Variants in PAM observed in about 807,000 individuals in gnomAD.
PAM encodes peptidyl-glycine alpha-amidating monooxygenase.
In PAM, 72 loss-of-function variants were observed where a neutral mutation model predicts 122.1. The observed-to-expected ratio is 0.59, with a 90% CI of 0.49 to 0.72. The LOEUF (loss-of-function observed/expected upper bound fraction) is 0.72. Among genes scored for constraint, PAM ranks in the 30% least tolerant of loss-of-function variants. The probability of loss-of-function intolerance (pLI) is 0.00; values close to 1 mark genes in which losing one functional copy is unlikely to be tolerated. For missense variants in PAM, 1,106 were observed against 1,183.7 expected (o/e 0.93, Z 0.96); for synonymous variants, 389 against 404.4 (o/e 0.96, Z 0.46).
chr5:102,826,915 A>G (rs1773809313), intron 1 of PAM, among the ~76,000 whole-genome samples: 4 of 152,184 alleles, frequency 2.6e-5, no homozygotes, highest in Admixed American at 1.3e-4. Flanking sequence ...GAGTCACCTA[A>G]ATTTAGCATA....
At chr5:102,946,741 T>A (rs1757171620) in intron 7 of PAM, 96 bp from the exon 8 acceptor site, 1 of 754,994 alleles carries the variant, frequency 1.3e-6, no homozygotes, top group East Asian at 2.7e-5. Flanking sequence ...ACTTGTGTTT[T>A]AAAATATTTG....
rs572268860 is a variant in PAM at position 102,846,139 on chromosome 5, G to A, written c.-373-19684G>A. On this transcript the variant is annotated intron_variant, in intron 1 of 25. Transcript: ENST00000438793. ...CTCCCTTAAACTACTCCCTGATGGT[G>A]AAAAATAACAATGAAATATACAGCT... 5.9e-5 allele frequency among the ~76,000 whole-genome samples: 9 copies of A among 152,200 alleles called. No individual in the cohort carries two copies. The East Asian group carries it at 1.7e-3, about 29-fold the overall frequency.
At chr5:102,953,116 G>T (rs1313222441) in intron 12 of PAM, among the ~76,000 whole-genome samples, 1 of 152,178 alleles carries the variant, frequency 6.6e-6, no homozygotes, top group Non-Finnish European at 1.5e-5. Context: ...ACAGTTGAGT[G>T]ATTCTTCTAC....
intron 1 of PAM, among the ~76,000 whole-genome samples, chr5:102,841,929 A>G (rs1357043052): frequency 6.6e-6 from 1 of 152,174 alleles, no homozygotes; most frequent in Non-Finnish European, 1.5e-5. Context: ...GCCTAAATTT[A>G]TAGGTAAGTA....
rs547105245 is a variant in PAM at position 102,818,623 on chromosome 5, A to G, written c.-373-47200A>G. Among the ~76,000 whole-genome samples, 3 of 152,154 alleles carry G rather than the reference A, an allele frequency of 2.0e-5. No homozygotes were observed. The East Asian group carries it at 5.8e-4, about 29-fold the overall frequency. On this transcript the variant is annotated intron_variant, in intron 1 of 25. Transcript: ENST00000438793. The stretch of plus-strand genomic sequence containing the variant: ...TCCAGTATGCCCTTCCCTCTGCCTC[A>G]TTTGTTCCAGAGAAAGCCTACTTAT...
intron 3 of PAM, among the ~76,000 whole-genome samples, chr5:102,878,180 G>T (rs1044426543): frequency 6.6e-6 from 1 of 151,850 alleles, no homozygotes; most frequent in African/African-American, 2.4e-5. Context: ...TATAATATTT[G>T]AATATTTCAG....
intron 1 of PAM, among the ~76,000 whole-genome samples, chr5:102,841,908 C>G (rs1778740358): frequency 6.6e-6 from 1 of 152,010 alleles, no homozygotes; most frequent in Non-Finnish European, 1.5e-5. Context: ...GCATAAACAT[C>G]TGAAAAATAT....
chr5:102,831,862 G>A (rs1392949070), intron 1 of PAM, among the ~76,000 whole-genome samples: 1 of 141,610 alleles, frequency 7.1e-6, no homozygotes, highest in Non-Finnish European at 1.5e-5. Flanking sequence ...ATTTTTTATA[G>A]GAACTAGTCT....
At chr5:102,872,913 A>G (rs1787986965) in intron 3 of PAM, among the ~76,000 whole-genome samples, 1 of 152,144 alleles carries the variant, frequency 6.6e-6, no homozygotes, top group Admixed American at 6.6e-5. Flanking sequence ...AACGGGGCCT[A>G]CTTGAGGGTG....
At chr5:102,838,157 A>ATT (rs1328184224) in intron 1 of PAM, 1 of 152,082 alleles carries the variant, frequency 6.6e-6, no homozygotes, top group African/African-American at 2.4e-5. Context: ...AGTATCATCA[A>ATT]TTTGTGGATT....
chr5:102,773,732 A>G (rs1449404656), intron 1 of PAM, among the ~76,000 whole-genome samples: 1 of 151,966 alleles, frequency 6.6e-6, no homozygotes, highest in Non-Finnish European at 1.5e-5. Flanking sequence ...ACTTTTTATT[A>G]ACTTTTATTT....
At chr5:102,777,556 T>C (rs1757501901) in intron 1 of PAM, among the ~76,000 whole-genome samples, 1 of 152,124 alleles carries the variant, frequency 6.6e-6, no homozygotes, top group African/African-American at 2.4e-5. Flanking sequence ...CCTAATTGTC[T>C]GAGAGAGGGA....
At chr5:102,947,501 C>T (rs1757429641) in intron 8 of PAM, among the ~76,000 whole-genome samples, 1 of 152,056 alleles carries the variant, frequency 6.6e-6, no homozygotes, top group Non-Finnish European at 1.5e-5. Context: ...AAGAATGATA[C>T]AGTGGACTTT....
chr5:102,929,621 A>G (rs2151776760), intron 7 of PAM, among the ~76,000 whole-genome samples: 1 of 152,310 alleles, frequency 6.6e-6, no homozygotes, highest in Non-Finnish European at 1.5e-5. Flanking sequence ...ATTTTTCCAC[A>G]CAGGGAATGT....
intron 1 of PAM, among the ~76,000 whole-genome samples, chr5:102,789,779 A>G (rs941327581): frequency 5.3e-5 from 8 of 152,128 alleles, no homozygotes; most frequent in Non-Finnish European, 1.0e-4. Flanking sequence ...AAAAATGGTT[A>G]AAGTGGCTAA....
chr5:102,810,240 T>C (rs2150183833), intron 1 of PAM, among the ~76,000 whole-genome samples: 1 of 152,278 alleles, frequency 6.6e-6, no homozygotes, highest in Middle Eastern at 3.4e-3. Context: ...TCCACGAAAA[T>C]ACACTTTTGC....
At chr5:102,834,247 G>T (rs557470609) in intron 1 of PAM, among the ~76,000 whole-genome samples, 1 of 151,976 alleles carries the variant, frequency 6.6e-6, no homozygotes, top group Non-Finnish European at 1.5e-5. Flanking sequence ...CTTCTTTTTA[G>T]AAAATTTAAC....
chr5:103,007,566 C>T lies in PAM; in HGVS notation c.2124C>T (p.Ile708=). 1 of 1,613,648 alleles carries T rather than the reference C, an allele frequency of 6.2e-7. No homozygotes were observed. ...TGGCAGACCGGGAAAATGGTCGGAT[C>T]CAGTGTTTTAAAACTGACACCAAAG... is the stretch of plus-strand genomic sequence containing the variant. ...LCVADRENGR[I]QCFKTDTKEF... The change falls in exon 20 of 26, where the codon ATC becomes ATT. Residue 708 remains isoleucine, a synonymous_variant. Transcript: ENST00000438793.
chr5:102,868,763 T>G (rs1342621326), intron 3 of PAM, among the ~76,000 whole-genome samples: 2 of 152,190 alleles, frequency 1.3e-5, no homozygotes, highest in Non-Finnish European at 2.9e-5. Context: ...TAGTCTTTTG[T>G]TTGGTTCATT....
Sources: allele counts gnomAD v4.1 joint callset (sites outside exome capture counted in the v4.1 genomes callset), GRCh38; gene constraint gnomAD v4.1.1; transcripts MANE v1.5; gene names NCBI Gene and HGNC (gene_info 2026-07-23, HGNC 2026-07-21).